The following HPSE2 variants were observed in gnomAD, a reference collection of about 807,000 sequenced individuals.
The protein encoded by HPSE2 is inactive heparanase-2.
Under a neutral mutation model 60.5 loss-of-function variants are expected in HPSE2, and 38 were observed. That is an observed-to-expected ratio of 0.63 (90% CI 0.48 to 0.82). HPSE2 has a LOEUF of 0.82. HPSE2 is among the 40% of genes least tolerant of loss of function. The probability of loss-of-function intolerance (pLI) is 0.00; values close to 1 mark genes in which losing one functional copy is unlikely to be tolerated. For synonymous variants in HPSE2, 295 were observed against 293.2 expected (o/e 1.01, Z -0.06); for missense variants, 713 against 740.4 (o/e 0.96, Z 0.43).
At chr10:98,460,444 T>C (rs548560861) in intron 11 of HPSE2, among the ~76,000 whole-genome samples, 1 of 152,056 alleles carries the variant, frequency 6.6e-6, no homozygotes, top group East Asian at 1.9e-4. Context: ...CTGAGCAACA[T>C]AGCGAGACCC....
At chr10:99,207,523 A>G (rs1848798712) in intron 2 of HPSE2, among the ~76,000 whole-genome samples, 1 of 152,238 alleles carries the variant, frequency 6.6e-6, no homozygotes, top group South Asian at 2.1e-4. Flanking sequence ...AATAATTTAT[A>G]TCTTTAGTAT....
intron 6 of HPSE2, among the ~76,000 whole-genome samples, chr10:98,652,439 T>C (rs1392730034): frequency 2.6e-5 from 4 of 152,148 alleles, no homozygotes; most frequent in Non-Finnish European, 5.9e-5. Context: ...CTTTTTTCAA[T>C]CACCAAGTCC....
intron 10 of HPSE2, among the ~76,000 whole-genome samples, chr10:98,486,281 A>G (rs138516121): frequency 8.0e-4 from 122 of 152,290 alleles, no homozygotes; most frequent in African/African-American, 2.1e-3. Context: ...ATAATCTTGG[A>G]GAAAATGGTG....
intron 3 of HPSE2, among the ~76,000 whole-genome samples, chr10:98,865,607 G>A (rs1182855791): frequency 6.6e-6 from 1 of 152,108 alleles, no homozygotes; most frequent in African/African-American, 2.4e-5. Flanking sequence ...ATAAAGGGAT[G>A]CATGGAGACA....
chr10:99,098,757 T>C (rs1843816552), intron 3 of HPSE2, among the ~76,000 whole-genome samples: 1 of 152,182 alleles, frequency 6.6e-6, no homozygotes, highest in East Asian at 1.9e-4. Context: ...ATTATTTTAT[T>C]GACATAGACT....
At chr10:99,187,666 G>A (rs1848077564) in intron 2 of HPSE2, among the ~76,000 whole-genome samples, 1 of 152,186 alleles carries the variant, frequency 6.6e-6, no homozygotes, top group Non-Finnish European at 1.5e-5. Context: ...TTAGGGAAAT[G>A]CAAATGAAAA....
intron 3 of HPSE2, among the ~76,000 whole-genome samples, chr10:98,960,735 ATTTTAT>A (rs1955649574): frequency 4.1e-5 from 2 of 48,382 alleles, no homozygotes; most frequent in Admixed American, 4.0e-4. Context: ...TATTTTTTTT[ATTTTAT>A]TTTTTTTTTT....
intron 3 of HPSE2, among the ~76,000 whole-genome samples, chr10:98,927,425 T>C (rs1239306952): frequency 2.7e-5 from 4 of 150,544 alleles, no homozygotes; most frequent in Non-Finnish European, 4.4e-5. Context: ...AGGTAATTTA[T>C]AGATTCAATG....
At chr10:98,982,738 C>T (rs1554856444) in intron 3 of HPSE2, among the ~76,000 whole-genome samples, 1 of 152,030 alleles carries the variant, frequency 6.6e-6, no homozygotes, top group Non-Finnish European at 1.5e-5. Flanking sequence ...ATAAACTGTG[C>T]TTACTGTACT....
At chr10:99,153,319 AC>A (rs1235470972) in intron 2 of HPSE2, among the ~76,000 whole-genome samples, 3 of 152,174 alleles carry the variant, frequency 2.0e-5, no homozygotes, top group Non-Finnish European at 4.4e-5. Context: ...AAACAAAAAG[AC>A]AGCAGTAAAC....
At chr10:99,207,853 G>A (rs1460061333) in intron 2 of HPSE2, among the ~76,000 whole-genome samples, 1 of 151,844 alleles carries the variant, frequency 6.6e-6, no homozygotes, top group East Asian at 1.9e-4. Flanking sequence ...CCCAGTAGAT[G>A]CCTGAAACCA....
In HPSE2 at chr10:98,712,287, A is replaced by T. The variant is rs1193590381; in HGVS notation, c.956+9370T>A. Among the ~76,000 whole-genome samples, 18 of 151,928 alleles carry T rather than the reference A, an allele frequency of 1.2e-4. No individual in the cohort carries two copies. In the Admixed American group the frequency reaches 1.2e-3, roughly 10 times the overall value. On this transcript the variant is annotated intron_variant, in intron 5 of 11. Transcript: ENST00000370552. ...TTGTTGTTAAAATTAGAAGAAAAAA[A>T]AAACAAGTTTAAGGTTGAAAAAAAT... is the stretch of plus-strand genomic sequence containing the variant.
In HPSE2 at chr10:98,765,645, C is replaced by T. The variant is rs187950557; in HGVS notation, c.611-21589G>A. Among the ~76,000 whole-genome samples, 235 of 152,062 alleles carry T rather than the reference C, an allele frequency of 1.5e-3. 3 individuals carry two copies. Among genetic ancestry groups the T allele is most frequent in the African/African-American group, 5.3e-3 (219 of 41,470 alleles). Reference sequence around the variant, plus strand: ...ATGAGGTCAGGAGTTCAAGACCAGCCTGGCCAAGATGCTGAAACCCCATCT... The same window carrying T: ...ATGAGGTCAGGAGTTCAAGACCAGCTTGGCCAAGATGCTGAAACCCCATCT... On this transcript the variant is annotated intron_variant, in intron 3 of 11. Transcript: ENST00000370552.
chr10:98,920,758 A>G (rs1304752286), intron 3 of HPSE2, among the ~76,000 whole-genome samples: 3 of 152,236 alleles, frequency 2.0e-5, no homozygotes, highest in African/African-American at 4.8e-5. Context: ...ACTCTATTCC[A>G]TAAGAATTTT....
At chr10:98,490,782 G>A (rs904251845) in intron 9 of HPSE2, among the ~76,000 whole-genome samples, 4 of 152,086 alleles carry the variant, frequency 2.6e-5, no homozygotes, top group Admixed American at 2.0e-4. Flanking sequence ...CTAATTCTTG[G>A]TTATCCTCAA....
At chr10:98,986,154 T>C (rs1956342354) in intron 3 of HPSE2, among the ~76,000 whole-genome samples, 1 of 152,166 alleles carries the variant, frequency 6.6e-6, no homozygotes, top group African/African-American at 2.4e-5. Context: ...AATAGACATC[T>C]ACAGAACTCT....
intron 2 of HPSE2, among the ~76,000 whole-genome samples, chr10:99,162,828 C>A (rs1846898069): frequency 6.6e-6 from 1 of 152,166 alleles, no homozygotes; most frequent in African/African-American, 2.4e-5. Context: ...CTATCTACTT[C>A]TTATCTGGAT....
At chr10:98,720,736 G>A (rs1006695840) in intron 5 of HPSE2, among the ~76,000 whole-genome samples, 1 of 152,102 alleles carries the variant, frequency 6.6e-6, no homozygotes, top group Non-Finnish European at 1.5e-5. Context: ...CAACAGTGAG[G>A]GAATGCTTAG....
At chr10:98,990,630 C>A (rs961007215) in intron 3 of HPSE2, among the ~76,000 whole-genome samples, 7 of 152,172 alleles carry the variant, frequency 4.6e-5, no homozygotes, top group South Asian at 2.1e-4. Flanking sequence ...ACTTATAATA[C>A]CATGATAGTA....
Sources: allele counts gnomAD v4.1 joint callset (sites outside exome capture counted in the v4.1 genomes callset), GRCh38; gene constraint gnomAD v4.1.1; transcripts MANE v1.5; gene names NCBI Gene and HGNC (gene_info 2026-07-23, HGNC 2026-07-21).